The following MBD5 variants were observed in gnomAD, a reference collection of about 807,000 sequenced individuals.
The protein encoded by MBD5 is methyl-CpG-binding domain protein 5.
MBD5 carries 13 observed loss-of-function variants against 117.3 expected under a neutral mutation model. That is an observed-to-expected ratio of 0.11 (90% confidence interval 0.07 to 0.18). The LOEUF is 0.18. Among genes scored for constraint, MBD5 ranks in the 10% least tolerant of loss-of-function variants. The probability of loss-of-function intolerance (pLI) is 1.00; values close to 1 mark genes in which losing one functional copy is unlikely to be tolerated. For synonymous variants in MBD5, 727 were observed against 766.4 expected (o/e 0.95, Z 0.85); for missense variants, 1,879 against 2,093.8 (o/e 0.90, Z 2.00).
At position 148,331,220 on chromosome 2, in the gene MBD5, T is replaced by C. The variant is rs139851588; in HGVS notation, c.-679-10994T>C. On this transcript the variant is annotated intron_variant, in intron 3 of 13. Coordinates refer to ENST00000642680, the MANE Select transcript of MBD5 (RefSeq NM_001378120.1). Reference sequence around the variant, plus strand: ...AAATGCCTACTTAGTTTCCACAGATTATTAAAGTTAATTTTATGCTTTTTT... The same window carrying C: ...AAATGCCTACTTAGTTTCCACAGATCATTAAAGTTAATTTTATGCTTTTTT... Among the ~76,000 whole-genome samples, 254 of 152,268 alleles carry C rather than the reference T, an allele frequency of 1.7e-3. 3 individuals are homozygous for C. Among genetic ancestry groups the C allele is most frequent in the Admixed American group, 0.014 (212 of 15,266 alleles).
intron 3 of MBD5, among the ~76,000 whole-genome samples, chr2:148,325,620 C>T (rs1702425329): frequency 6.6e-6 from 1 of 152,102 alleles, no homozygotes; most frequent in Admixed American, 6.5e-5. Context: ...AGTATATTTG[C>T]GTAGAGGTGT....
chr2:148,468,575 A>C lies in MBD5; in HGVS notation c.632A>C (p.Lys211Thr). 6.2e-7 allele frequency: 1 copy of C among 1,613,874 alleles called. No individual in the cohort carries two copies. Among genetic ancestry groups the C allele is most frequent in the African/African-American group, 1.3e-5 (1 of 74,992 alleles). ...TTGGGCAGCAGTGAACATGGACAGA[A>C]ATCTCCATTCCGTGGCAGCCATGGA... ...QRLGSSEHGQ[K>T]SPFRGSHGGL... The change falls in exon 8 of 14, where the codon AAA becomes ACA. Residue 211 changes from lysine (K) to threonine (T), a missense_variant. Transcript: ENST00000642680.
rs70992196 is a variant in MBD5, at chr2:148,180,343, C to CAT, written c.-831+1567_-831+1568dup. On this transcript the variant is annotated intron_variant, in intron 2 of 13. Transcript: ENST00000642680. The stretch of plus-strand genomic sequence containing the variant: ...ATCCTTCTAGTAAAAAAAAATTATA[C>CAT]ATATATATATATATATATGTATATA... Among the ~76,000 whole-genome samples the CAT allele has an allele frequency of 7.4e-4, 78 of 105,546 alleles. 1 individual carries two copies. The highest frequency in any genetic ancestry group is 2.4e-3 in the African/African-American group (66 of 27,972). 69.2% of individuals were successfully genotyped at this position (105,546 alleles called of 152,430 possible). A position where few individuals can be genotyped will look rare whatever the true frequency, so the allele number is the denominator to read the frequency against.
intron 2 of MBD5, among the ~76,000 whole-genome samples, chr2:148,224,813 G>C (rs1366182946): frequency 6.6e-6 from 1 of 151,852 alleles, no homozygotes; most frequent in Non-Finnish European, 1.5e-5. Flanking sequence ...TCATAACATA[G>C]TGACTTTTTT....
chr2:148,420,082 C>T (rs1295588924), intron 4 of MBD5, among the ~76,000 whole-genome samples: 2 of 152,130 alleles, frequency 1.3e-5, no homozygotes, highest in Non-Finnish European at 2.9e-5. Flanking sequence ...TTAACCTTTT[C>T]TGACCTGATA....
chr2:148,296,039 T>C (rs145283763), intron 3 of MBD5: 95 of 168,672 alleles, frequency 5.6e-4, no homozygotes, highest in Non-Finnish European at 8.4e-4. Context: ...ATAACTGATA[T>C]ATTTTGTTCT....
chr2:148,282,268 C>G (rs1375486743), intron 3 of MBD5, among the ~76,000 whole-genome samples: 1 of 152,046 alleles, frequency 6.6e-6, no homozygotes, highest in African/African-American at 2.4e-5. Flanking sequence ...AAACCCATCA[C>G]CTTTGGCATA....
At chr2:148,410,979 A>G (rs1705229076) in intron 4 of MBD5, among the ~76,000 whole-genome samples, 1 of 152,108 alleles carries the variant, frequency 6.6e-6, no homozygotes, top group Admixed American at 6.5e-5. Context: ...ATAGTAACCA[A>G]TAGGTAGTTT....
At chr2:148,026,672 A>G (rs1175400149) in intron 1 of MBD5, 1 of 152,298 alleles carries the variant, frequency 6.6e-6, no homozygotes, top group African/African-American at 2.4e-5. Context: ...TGTAATTCCA[A>G]CAACTGGGAG....
chr2:148,466,064 A>C (rs774149808), intron 7 of MBD5, among the ~76,000 whole-genome samples: 2 of 152,156 alleles, frequency 1.3e-5, no homozygotes, highest in Admixed American at 1.3e-4. Flanking sequence ...GATACTCTTT[A>C]TGGGATTGAT....
intron 4 of MBD5, among the ~76,000 whole-genome samples, chr2:148,417,047 A>G (rs1287339721): frequency 6.6e-6 from 1 of 152,160 alleles, no homozygotes; most frequent in Non-Finnish European, 1.5e-5. Context: ...GTTGATGAAC[A>G]TTTAATTTGA....
intron 1 of MBD5, among the ~76,000 whole-genome samples, chr2:148,102,789 T>C (rs1281825128): frequency 1.4e-5 from 2 of 139,726 alleles, no homozygotes; most frequent in Non-Finnish European, 3.0e-5. Context: ...GAGATCCAAA[T>C]CGTTTGTATA....
At chr2:148,087,377 T>C (rs888043851) in intron 1 of MBD5, among the ~76,000 whole-genome samples, 2 of 152,208 alleles carry the variant, frequency 1.3e-5, no homozygotes, top group Non-Finnish European at 2.9e-5. Flanking sequence ...GATCCTGAGT[T>C]TGTCCATGTG....
intron 1 of MBD5, among the ~76,000 whole-genome samples, chr2:148,080,619 T>C (rs2105154406): frequency 6.6e-6 from 1 of 152,262 alleles, no homozygotes; most frequent in East Asian, 1.9e-4. Context: ...ATTCTTAAAG[T>C]TTTTAGATGG....
intron 4 of MBD5, among the ~76,000 whole-genome samples, chr2:148,389,160 C>A (rs143888516): frequency 6.1e-4 from 84 of 137,452 alleles, no homozygotes; most frequent in Non-Finnish European, 9.7e-4. Flanking sequence ...TAATTTCATT[C>A]TTTTTATGGC....
chr2:148,468,796 G>A lies in MBD5; in HGVS notation c.853G>A (p.Val285Ile), dbSNP rs767611277. ...PPSVMLHGSP[V>I]QSSCAMAGRT... is the part of the protein sequence containing the mutation. The stretch of plus-strand genomic sequence containing the variant: ...TTCAGTAATGCTACATGGTTCTCCT[G>A]TACAGTCATCCTGTGCAATGGCTGG... The change falls in exon 8 of 14, where the codon GTA (valine) becomes ATA (isoleucine). Residue 285 changes from valine (V) to isoleucine (I), a missense_variant. Transcript: ENST00000642680. 8.1e-6 allele frequency: 13 copies of A among 1,613,660 alleles called. No homozygotes were observed. The highest frequency in any genetic ancestry group is 7.6e-6 in the Non-Finnish European group (9 of 1,179,856).
chr2:148,391,889 A>G (rs1403445841), intron 4 of MBD5, among the ~76,000 whole-genome samples: 1 of 152,172 alleles, frequency 6.6e-6, no homozygotes, highest in Non-Finnish European at 1.5e-5. Context: ...ATGTATCTCT[A>G]CAAAAGGATA....
At chr2:148,397,234 A>G (rs921603888) in intron 4 of MBD5, among the ~76,000 whole-genome samples, 3 of 152,012 alleles carry the variant, frequency 2.0e-5, no homozygotes, top group Middle Eastern at 3.2e-3. Flanking sequence ...CAAACTGATC[A>G]TATGGTCAAC....
intron 4 of MBD5, among the ~76,000 whole-genome samples, chr2:148,436,089 C>A (rs966298186): frequency 1.3e-5 from 2 of 152,160 alleles, no homozygotes; most frequent in African/African-American, 4.8e-5. Context: ...TACCTATAGA[C>A]CAGCAATGTT....
Sources: gnomAD v4.1 joint callset for allele counts (sites outside exome capture counted in the v4.1 genomes callset) on GRCh38, gnomAD v4.1.1 for gene constraint, MANE v1.5 for transcripts, NCBI Gene and HGNC (gene_info 2026-07-23, HGNC 2026-07-21) for gene names.